ZNF827: variants seen among roughly 807,000 people sequenced by gnomAD.
ZNF827 encodes zinc finger protein 827.
Under a neutral mutation model 102.4 loss-of-function variants are expected in ZNF827, and 13 were observed. The observed-to-expected ratio is 0.13, with a 90% CI of 0.08 to 0.20. The LOEUF is 0.20. ZNF827 is among the 10% of genes least tolerant of loss of function. The pLI is 1.00. For synonymous variants in ZNF827, 523 were observed against 536.2 expected (o/e 0.98, Z 0.34); for missense variants, 1,103 against 1,344.4 (o/e 0.82, Z 2.81).
intron 9 of ZNF827, among the ~76,000 whole-genome samples, chr4:145,776,768 T>C (rs1438722833): frequency 6.6e-6 from 1 of 152,066 alleles, no homozygotes; most frequent in Non-Finnish European, 1.5e-5. Context: ...AAAAAACTAA[T>C]GAAATTAAGG....
chr4:145,905,665 A>G (rs938491736), intron 1 of ZNF827, among the ~76,000 whole-genome samples: 8 of 152,142 alleles, frequency 5.3e-5, no homozygotes, highest in African/African-American at 1.9e-4. Flanking sequence ...GTCAACATCA[A>G]TTTCAACAAT....
chr4:145,914,410 C>G (rs1025758215), intron 1 of ZNF827, among the ~76,000 whole-genome samples: 1 of 152,190 alleles, frequency 6.6e-6, no homozygotes, highest in African/African-American at 2.4e-5. Flanking sequence ...CAGTTATGCA[C>G]AAGAATCCAT....
intron 8 of ZNF827, among the ~76,000 whole-genome samples, chr4:145,793,026 T>C (rs1324532927): frequency 1.3e-5 from 2 of 152,080 alleles, no homozygotes; most frequent in East Asian, 1.9e-4. Flanking sequence ...AAAGTGTCTC[T>C]TCCTACCCTC....
chr4:145,838,651 C>G (rs1241856325), intron 7 of ZNF827, among the ~76,000 whole-genome samples: 1 of 151,784 alleles, frequency 6.6e-6, no homozygotes, highest in Non-Finnish European at 1.5e-5. Context: ...TGAGAATGTC[C>G]ATGGAAAAAT....
intron 1 of ZNF827, among the ~76,000 whole-genome samples, chr4:145,931,821 G>C (rs1182728319): frequency 2.6e-5 from 4 of 152,210 alleles, no homozygotes; most frequent in Non-Finnish European, 5.9e-5. Flanking sequence ...AGATGGCACT[G>C]TTGACCAGCC....
In ZNF827 at chr4:145,902,703, T is replaced by C. The variant is rs1198737528; in HGVS notation, c.556A>G (p.Ser186Gly). The C allele has an allele frequency of 1.9e-6, 3 of 1,614,078 alleles. No individual in the cohort carries two copies. Among genetic ancestry groups the C allele is most frequent in the Non-Finnish European group, 2.5e-6 (3 of 1,180,048 alleles). ...KQEQNDQYTPSNRFIWNQGKW... is the reference protein window; with the variant it reads ...KQEQNDQYTPGNRFIWNQGKW... The stretch of plus-strand genomic sequence containing the variant: ...CCTTGATTCCATATAAAACGGTTAC[T>C]TGGAGTGTATTGGTCATTCTGTTCC... The change falls in exon 2 of 15, where the codon AGT becomes GGT. Residue 186 changes from serine to glycine, a missense_variant. Physicochemically the swap from Ser to Gly is moderately conservative, Grantham distance 56. Transcript: ENST00000508784. The surrounding 1 kb of genome is among the most constrained non-coding windows in gnomAD (Gnocchi z 4.3).
rs757568256 is a variant in ZNF827, at chr4:145,765,378, T to G, written c.3052+169A>C. ...CCCTCCCCATCCTTCCACCCCATACTCGGATTCAAATTAAGCCAAAAGAAA... is the reference window on the plus strand; with the variant it reads ...CCCTCCCCATCCTTCCACCCCATACGCGGATTCAAATTAAGCCAAAAGAAA... On this transcript the variant is annotated intron_variant, in intron 12 of 14. Transcript: ENST00000508784. This position sits in a 1 kb window ranked among gnomAD's most constrained non-coding sequence, Gnocchi z 4.7. 6.6e-6 allele frequency among the ~76,000 whole-genome samples: 1 copy of G among 152,142 alleles called. No homozygotes were observed. Among genetic ancestry groups the G allele is most frequent in the Non-Finnish European group, 1.5e-5 (1 of 68,014 alleles).
intron 4 of ZNF827, 46 bp from the exon 5 acceptor site, chr4:145,870,524 C>G (rs1748592054): frequency 1.3e-6 from 2 of 1,514,590 alleles, no homozygotes; most frequent in African/African-American, 2.8e-5. Context: ...AAGGCCACTC[C>G]CCTCCTTAGC....
chr4:145,845,985 T>C lies in ZNF827; in HGVS notation c.2250A>G (p.Thr750=). Residue 750 remains threonine, a synonymous_variant, in exon 7 of 15, where the codon ACA becomes ACG. Coordinates refer to ENST00000508784, the MANE Select transcript of ZNF827 (RefSeq NM_001306215.2). The stretch of plus-strand genomic sequence containing the variant: ...TCGTGGTCCGGATGGTGTTTTCTTT[T>C]GTATGATTGTGCTCTTTGCTCACTT... ...SEKVSKEHNH[T]KENTIRTTTS... is the part of the protein sequence containing the mutation. 1 of 1,614,242 alleles carries C rather than the reference T, an allele frequency of 6.2e-7. No individual in the cohort carries two copies. Among genetic ancestry groups the C allele is most frequent in the South Asian group, 1.1e-5 (1 of 91,090 alleles).
intron 8 of ZNF827, among the ~76,000 whole-genome samples, chr4:145,812,646 G>C (rs1435889091): frequency 1.3e-5 from 2 of 152,112 alleles, no homozygotes; most frequent in Admixed American, 1.3e-4. Context: ...TCCTGTCTCA[G>C]CCTCCTGGGT....
chr4:145,781,195 C>CAA lies in ZNF827; in HGVS notation c.2384-1686_2384-1685dup, dbSNP rs10605153. On this transcript the variant is annotated intron_variant, in intron 8 of 14. Transcript: ENST00000508784. The stretch of plus-strand genomic sequence containing the variant: ...CGGGCAACAGAACGAGACACCATCT[C>CAA]AAAAAAAAAAAAAAAAAAAAAAGAA... Among the ~76,000 whole-genome samples the CAA allele has an allele frequency of 8.0e-4, 45 of 56,536 alleles. 1 individual carries two copies. Among genetic ancestry groups the CAA allele is most frequent in the Non-Finnish European group, 9.0e-4 (32 of 35,502 alleles). 37.1% of individuals were successfully genotyped at this position (56,536 alleles called of 152,430 possible).
At chr4:145,882,935 A>G (rs1040884038) in intron 4 of ZNF827, among the ~76,000 whole-genome samples, 1 of 152,290 alleles carries the variant, frequency 6.6e-6, no homozygotes, top group Admixed American at 6.5e-5. Flanking sequence ...CTAGAAACTC[A>G]GCCGCAGCTC....
At chr4:145,933,423 A>T (rs1419376404) in intron 1 of ZNF827, among the ~76,000 whole-genome samples, 1 of 152,220 alleles carries the variant, frequency 6.6e-6, no homozygotes, top group Non-Finnish European at 1.5e-5. Context: ...AAAGTAAATA[A>T]GAGAAAAGAG....
intron 4 of ZNF827, 24 bp downstream of exon 4, chr4:145,885,653 AG>A: frequency 6.9e-7 from 1 of 1,444,840 alleles, no homozygotes; most frequent in Non-Finnish European, 9.2e-7. Flanking sequence ...AGAGAGAGAG[AG>A]AGAATACAAC....
intron 11 of ZNF827, among the ~76,000 whole-genome samples, chr4:145,766,684 A>T (rs1333935761): frequency 7.2e-5 from 11 of 152,230 alleles, no homozygotes. Context: ...GGATCAGAGC[A>T]CGGGGGTGAA....
intron 8 of ZNF827, among the ~76,000 whole-genome samples, chr4:145,781,951 C>T (rs1478225378): frequency 2.0e-5 from 3 of 152,188 alleles, no homozygotes; most frequent in African/African-American, 7.2e-5. Context: ...ATCATGTACT[C>T]GAGAAGCTGA....
chr4:145,924,678 C>T (rs1325339563), intron 1 of ZNF827, among the ~76,000 whole-genome samples: 2 of 152,224 alleles, frequency 1.3e-5, no homozygotes, highest in Admixed American at 1.3e-4. Flanking sequence ...CATCACCCTC[C>T]ACCTCCATTT....
intron 7 of ZNF827, among the ~76,000 whole-genome samples, chr4:145,835,597 C>G (rs1445184603): frequency 6.7e-6 from 1 of 150,200 alleles, no homozygotes; most frequent in Admixed American, 6.6e-5. Flanking sequence ...CAATCCAAAG[C>G]CTCCTTTGCG....
At chr4:145,865,521 T>C (rs1455359045) in intron 5 of ZNF827, among the ~76,000 whole-genome samples, 1 of 152,012 alleles carries the variant, frequency 6.6e-6, no homozygotes, top group East Asian at 1.9e-4. Context: ...AGGTCCAGAG[T>C]AGGGCTCAAG....
Sources: gnomAD v4.1 joint callset for allele counts (sites outside exome capture counted in the v4.1 genomes callset) on GRCh38, gnomAD v4.1.1 for gene constraint, Gnocchi (gnomAD v3.1) non-coding constraint, MANE v1.5 for transcripts, NCBI Gene and HGNC (gene_info 2026-07-23, HGNC 2026-07-21) for gene names.